PDE11A: variants seen among roughly 807,000 people sequenced by gnomAD.
The protein encoded by PDE11A is dual 3',5'-cyclic-AMP and -GMP phosphodiesterase 11A.
A neutral mutation model predicts 100.5 loss-of-function variants in PDE11A; 100 were observed. That is an observed-to-expected ratio of 1.00 (90% confidence interval 0.85 to 1.18). PDE11A has a LOEUF of 1.18. PDE11A is among the 50% of genes most tolerant of loss of function. The pLI is 0.00. For synonymous variants in PDE11A, 381 were observed against 420.8 expected, an observed-to-expected ratio of 0.91 and a Z score of 1.16; for missense variants, 1,141 against 1,152.6, an observed-to-expected ratio of 0.99 and a Z score of 0.15.
At chr2:177,977,308 A>T in intron 2 of PDE11A, among the ~76,000 whole-genome samples, 1 of 146,500 alleles carries the variant, frequency 6.8e-6, no homozygotes, top group African/African-American at 2.5e-5. Context: ...AGACAAACAG[A>T]GAGCCAAATC....
At chr2:177,895,342 C>T (rs190258288) in intron 4 of PDE11A, among the ~76,000 whole-genome samples, 1 of 152,184 alleles carries the variant, frequency 6.6e-6, no homozygotes, top group African/African-American at 2.4e-5. Context: ...CAACTGAGGT[C>T]AGGAGTTCGA....
intron 1 of PDE11A, among the ~76,000 whole-genome samples, chr2:178,039,494 T>C (rs1245691372): frequency 2.0e-5 from 3 of 152,032 alleles, no homozygotes; most frequent in Non-Finnish European, 4.4e-5. Context: ...AGTTTACCTA[T>C]ATAACAAACC....
intron 2 of PDE11A, among the ~76,000 whole-genome samples, chr2:178,099,859 CAA>C (rs919032448): frequency 6.6e-6 from 1 of 152,128 alleles, no homozygotes; most frequent in Non-Finnish European, 1.5e-5. Context: ...GGAAGCAACC[CAA>C]GTCTCTATCA....
At chr2:177,919,523 A>C (rs1415519690) in intron 2 of PDE11A, among the ~76,000 whole-genome samples, 1 of 152,202 alleles carries the variant, frequency 6.6e-6, no homozygotes, top group Non-Finnish European at 1.5e-5. Context: ...AAGATCAATT[A>C]TTCCAAACTT....
chr2:177,817,820 T>C (rs888418745), intron 8 of PDE11A, 38 bp downstream of exon 8: 7 of 836,908 alleles, frequency 8.4e-6, no homozygotes, highest in African/African-American at 2.5e-5. Flanking sequence ...CAGGGGACTA[T>C]TGATGACTCC....
At chr2:177,947,386 G>T (rs988417625) in intron 2 of PDE11A, among the ~76,000 whole-genome samples, 8 of 152,044 alleles carry the variant, frequency 5.3e-5, no homozygotes, top group African/African-American at 1.9e-4. Flanking sequence ...GTAGAAGGAA[G>T]TAGACATGGG....
At chr2:177,961,618 T>C (rs1225103609) in intron 2 of PDE11A, among the ~76,000 whole-genome samples, 4 of 152,160 alleles carry the variant, frequency 2.6e-5, no homozygotes, top group Non-Finnish European at 5.9e-5. Flanking sequence ...AGTCAATACA[T>C]ACTACCTGTT....
intron 1 of PDE11A, among the ~76,000 whole-genome samples, chr2:178,054,839 C>T (rs2086878471): frequency 6.6e-6 from 1 of 152,124 alleles, no homozygotes; most frequent in African/African-American, 2.4e-5. Context: ...ATTAAAAAGT[C>T]AGGAAACAAC....
At chr2:177,968,683 ATTACT>A (rs1200132388) in intron 2 of PDE11A, among the ~76,000 whole-genome samples, 1 of 152,210 alleles carries the variant, frequency 6.6e-6, no homozygotes, top group African/African-American at 2.4e-5. Context: ...AAAGCTAACC[ATTACT>A]AGAGAAATGC....
chr2:177,730,782 T>C (rs144583507), intron 10 of PDE11A, among the ~76,000 whole-genome samples: 380 of 152,318 alleles, frequency 2.5e-3, no homozygotes, highest in African/African-American at 8.5e-3. Context: ...TTGGCTTCAC[T>C]CTCTGTACTT....
At chr2:178,067,228 A>G (rs1401881730) in intron 1 of PDE11A, among the ~76,000 whole-genome samples, 1 of 151,958 alleles carries the variant, frequency 6.6e-6, no homozygotes, top group African/African-American at 2.4e-5. Context: ...CACAGCTTTG[A>G]GCCTCTCCTT....
intron 4 of PDE11A, among the ~76,000 whole-genome samples, chr2:177,886,333 G>T (rs34934707): frequency 6.6e-6 from 1 of 152,092 alleles, no homozygotes; most frequent in African/African-American, 2.4e-5. Context: ...GAAGCAAAAG[G>T]GTGCAAAATA....
intron 10 of PDE11A, among the ~76,000 whole-genome samples, chr2:177,753,217 A>G (rs1314924145): frequency 6.6e-6 from 1 of 152,208 alleles, no homozygotes; most frequent in Non-Finnish European, 1.5e-5. Flanking sequence ...TGAAGTGCTG[A>G]GAGGGCAGAT....
At chr2:177,888,722 G>A in intron 4 of PDE11A, 1 of 907,690 alleles carries the variant, frequency 1.1e-6, no homozygotes, top group Non-Finnish European at 1.3e-6. Flanking sequence ...CCTGGGAGAT[G>A]AAGTAACATC....
chr2:177,845,703 A>C (rs9677777), intron 5 of PDE11A, among the ~76,000 whole-genome samples: 26 of 151,936 alleles, frequency 1.7e-4, no homozygotes, highest in Admixed American at 1.6e-3. Context: ...AGGTTGTAGC[A>C]AGCCGAGATC....
At chr2:177,924,885 CT>C (rs2085105158) in intron 2 of PDE11A, among the ~76,000 whole-genome samples, 1 of 145,392 alleles carries the variant, frequency 6.9e-6, no homozygotes, top group Admixed American at 7.0e-5. Context: ...CCCCCTCCCC[CT>C]ACCCCACCAC....
intron 1 of PDE11A, among the ~76,000 whole-genome samples, chr2:178,032,948 C>CA (rs1234357816): frequency 3.9e-5 from 6 of 152,012 alleles, no homozygotes; most frequent in Non-Finnish European, 7.4e-5. Flanking sequence ...AAAAACAGTG[C>CA]AAAAAAACAA....
At chr2:177,939,577 A>AAGGT (rs1290600090) in intron 2 of PDE11A, among the ~76,000 whole-genome samples, 2 of 148,056 alleles carry the variant, frequency 1.4e-5, no homozygotes, top group East Asian at 2.0e-4. Flanking sequence ...GGAAGGAAGG[A>AAGGT]AGGTAGGTTG....
chr2:177,882,292 C>T (rs1391766116), intron 4 of PDE11A, among the ~76,000 whole-genome samples: 1 of 152,086 alleles, frequency 6.6e-6, no homozygotes, highest in Admixed American at 6.5e-5. Context: ...TGTTTATAGT[C>T]AGATACCTGG....
Sources: gnomAD v4.1 joint callset for allele counts (sites outside exome capture counted in the v4.1 genomes callset) on GRCh38, gnomAD v4.1.1 for gene constraint, MANE v1.5 for transcripts, NCBI Gene and HGNC (gene_info 2026-07-23, HGNC 2026-07-21) for gene names.